Variants in GRIA3 observed in about 807,000 individuals in gnomAD.
GRIA3 encodes the protein glutamate receptor 3.
A neutral mutation model predicts 63.0 loss-of-function variants in GRIA3; 3 were observed. That is an observed-to-expected ratio of 0.05 (90% CI 0.02 to 0.12). The LOEUF (loss-of-function observed/expected upper bound fraction) is 0.12. Ranked by LOEUF, GRIA3 falls within the 10% of genes least tolerant of loss-of-function variation. The probability of loss-of-function intolerance (pLI) is 1.00; values close to 1 mark genes in which losing one functional copy is unlikely to be tolerated. For missense variants in GRIA3, 347 were observed against 700.9 expected (o/e 0.50, Z 5.70); for synonymous variants, 274 against 257.9 (o/e 1.06, Z -0.60).
At chrX:123,191,779 T>C (rs1057503112) in intron 2 of GRIA3, among the ~76,000 whole-genome samples, 1 of 110,748 alleles carries the variant, frequency 9.0e-6, no homozygotes, top group Non-Finnish European at 1.9e-5. Flanking sequence ...GGATGTAGAG[T>C]GCAGTACGGC....
chrX:123,287,909 A>C lies in GRIA3; in HGVS notation c.508+34367A>C, dbSNP rs1342891206. On this transcript the variant is annotated intron_variant, in intron 3 of 15. Transcript: ENST00000620443. ...TTGACTTTCTTCACAGAATTAGAAAAAACTACTTTAAATTTCATAAGGGAC... is the reference window on the plus strand; with the variant it reads ...TTGACTTTCTTCACAGAATTAGAAACAACTACTTTAAATTTCATAAGGGAC... Among the ~76,000 whole-genome samples the C allele has an allele frequency of 4.5e-5, 5 of 112,145 alleles. No homozygotes were observed. The East Asian group carries it at 1.4e-3, about 31-fold the overall frequency.
chrX:123,271,485 C>T (rs2044522188), intron 3 of GRIA3, among the ~76,000 whole-genome samples: 1 of 111,564 alleles, frequency 9.0e-6, no homozygotes, highest in Non-Finnish European at 1.9e-5. Context: ...GGACTAAAGC[C>T]CGTTTCCTAA....
intron 5 of GRIA3, among the ~76,000 whole-genome samples, chrX:123,394,421 T>C (rs1402015595): frequency 9.0e-6 from 1 of 111,468 alleles, no homozygotes; most frequent in African/African-American, 3.3e-5. Flanking sequence ...AAGATTCATT[T>C]ATGGATACAT....
chrX:123,395,986 G>C (rs780105537), intron 6 of GRIA3, among the ~76,000 whole-genome samples: 1 of 109,774 alleles, frequency 9.1e-6, no homozygotes, highest in East Asian at 2.9e-4. Context: ...AAGGGGAAAA[G>C]ATCTTCCTCA....
At chrX:123,329,788 G>A (rs2044928306) in intron 4 of GRIA3, among the ~76,000 whole-genome samples, 3 of 111,824 alleles carry the variant, frequency 2.7e-5, no homozygotes, top group African/African-American at 9.7e-5. Flanking sequence ...CTATTACTGT[G>A]TTGTGCTTAT....
At chrX:123,471,804 T>C (rs2045863740) in intron 13 of GRIA3, among the ~76,000 whole-genome samples, 1 of 105,593 alleles carries the variant, frequency 9.5e-6, no homozygotes, top group South Asian at 4.3e-4. Context: ...TTACGAACAA[T>C]TGAATTCCAT....
chrX:123,440,781 CTTTAAG>C (rs2045669935), intron 12 of GRIA3, among the ~76,000 whole-genome samples: 1 of 112,281 alleles, frequency 8.9e-6, no homozygotes, highest in South Asian at 3.7e-4. Context: ...TGCAGAAACT[CTTTAAG>C]TTTAATTAGA....
intron 3 of GRIA3, among the ~76,000 whole-genome samples, chrX:123,256,546 A>C (rs966551327): frequency 8.9e-6 from 1 of 111,742 alleles, no homozygotes; most frequent in African/African-American, 3.3e-5. Flanking sequence ...TGCAAAGGTC[A>C]TGTCGTATGG....
intron 12 of GRIA3, among the ~76,000 whole-genome samples, chrX:123,464,012 G>A (rs908214715): frequency 9.0e-6 from 1 of 111,119 alleles, no homozygotes. Flanking sequence ...GAAAACCAAA[G>A]TTGTGAGAGT....
rs892890809 is a variant in GRIA3 at position 123,404,637 on chromosome X, A to G, written c.1294-71A>G. On this transcript the variant is annotated intron_variant, in intron 9 of 15. Transcript: ENST00000620443. ...AACCTCAATAGTCACAGAGGGGAAAAATTATTGCATTTATCTTCTCTTAGA... is the reference window on the plus strand; with the variant it reads ...AACCTCAATAGTCACAGAGGGGAAAGATTATTGCATTTATCTTCTCTTAGA... 41 of 804,418 alleles carry G rather than the reference A, an allele frequency of 5.1e-5. No homozygotes were observed. In the African/African-American group the frequency reaches 7.8e-4, roughly 15 times the overall value. The allele number at this position is 804,418 out of a possible 1,213,427, so 66.3% of individuals were successfully genotyped here.
At chrX:123,225,918 A>C (rs1208577622) in intron 2 of GRIA3, among the ~76,000 whole-genome samples, 3 of 111,370 alleles carry the variant, frequency 2.7e-5, no homozygotes, top group African/African-American at 9.8e-5. Context: ...CTTGACCTCT[A>C]TTTCATTCAT....
intron 5 of GRIA3, among the ~76,000 whole-genome samples, chrX:123,365,358 G>A (rs571130866): frequency 2.7e-4 from 30 of 111,932 alleles, no homozygotes; most frequent in African/African-American, 9.1e-4. Context: ...GGGGCCCTTT[G>A]TAGGCAAAGA....
At chrX:123,296,319 G>T (rs1016774772) in intron 3 of GRIA3, among the ~76,000 whole-genome samples, 1 of 110,857 alleles carries the variant, frequency 9.0e-6, no homozygotes, top group African/African-American at 3.3e-5. Flanking sequence ...TACTGCCCTT[G>T]GTTAATTTAC....
intron 11 of GRIA3, among the ~76,000 whole-genome samples, chrX:123,424,989 G>C (rs1386581030): frequency 9.0e-6 from 1 of 111,730 alleles, no homozygotes; most frequent in Non-Finnish European, 1.9e-5. Flanking sequence ...TGTGATTCTG[G>C]AATTACTCCA....
intron 12 of GRIA3, among the ~76,000 whole-genome samples, chrX:123,435,873 A>G (rs778050469): frequency 8.9e-6 from 1 of 112,062 alleles, no homozygotes; most frequent in Non-Finnish European, 1.9e-5. Flanking sequence ...ATTTGGTCTC[A>G]GTTTCTTCAT....
chrX:123,211,868 A>G (rs146050496), intron 2 of GRIA3, among the ~76,000 whole-genome samples: 77 of 111,450 alleles, frequency 6.9e-4, no homozygotes, highest in African/African-American at 2.4e-3. Flanking sequence ...ATACACACAC[A>G]TACTCCACCC....
intron 3 of GRIA3, among the ~76,000 whole-genome samples, chrX:123,309,200 C>T (rs1352581936): frequency 9.0e-6 from 1 of 110,508 alleles, no homozygotes; most frequent in Non-Finnish European, 1.9e-5. Flanking sequence ...GCCTGGTCAA[C>T]GTGGTGAAAC....
intron 3 of GRIA3, among the ~76,000 whole-genome samples, chrX:123,323,744 A>T (rs1332202749): frequency 8.9e-6 from 1 of 111,947 alleles, no homozygotes; most frequent in Non-Finnish European, 1.9e-5. Flanking sequence ...AAACAAAGGG[A>T]GATAAAAGCA....
At chrX:123,361,802 G>T (rs963456483) in intron 5 of GRIA3, among the ~76,000 whole-genome samples, 1 of 111,471 alleles carries the variant, frequency 9.0e-6, no homozygotes, top group African/African-American at 3.3e-5. Flanking sequence ...CAAACTCTCA[G>T]ATTATGTCCT....
Sources: allele counts gnomAD v4.1 joint callset (sites outside exome capture counted in the v4.1 genomes callset), GRCh38; gene constraint gnomAD v4.1.1; transcripts MANE v1.5; gene names NCBI Gene and HGNC (gene_info 2026-07-23, HGNC 2026-07-21).